The following PDE7B variants were observed in gnomAD, a reference collection of about 807,000 sequenced individuals.
PDE7B encodes 3',5'-cyclic-AMP phosphodiesterase 7B.
PDE7B carries 29 observed loss-of-function variants against 56.2 expected under a neutral mutation model. That is an observed-to-expected ratio of 0.52 (90% confidence interval 0.38 to 0.70). PDE7B has a LOEUF of 0.70. Ranked by LOEUF, PDE7B falls within the 30% of genes least tolerant of loss-of-function variation. The pLI is 0.00. For synonymous variants in PDE7B, 197 were observed against 196.9 expected (o/e 1.00, Z 0.00); for missense variants, 490 against 565.0 (o/e 0.87, Z 1.35).
chr6:136,142,384 G>C (rs1778341949), intron 3 of PDE7B, among the ~76,000 whole-genome samples: 1 of 152,148 alleles, frequency 6.6e-6, no homozygotes, highest in Non-Finnish European at 1.5e-5. Context: ...AGTATGTGGT[G>C]AATTTTGGAA....
At chr6:136,183,498 AG>A (rs200543050) in intron 11 of PDE7B, among the ~76,000 whole-genome samples, 3,753 of 150,494 alleles carry the variant, frequency 0.025, 229 homozygotes, top group Admixed American at 0.13. Context: ...TGGGAGGCTG[AG>A]GCAGGAGAAT....
chr6:136,156,692 T>C (rs535686768), intron 8 of PDE7B, among the ~76,000 whole-genome samples: 7 of 152,184 alleles, frequency 4.6e-5, no homozygotes, highest in Non-Finnish European at 8.8e-5. Flanking sequence ...CATAGTACCA[T>C]ACAGATATCT....
intron 1 of PDE7B, among the ~76,000 whole-genome samples, chr6:135,945,494 G>A (rs1203669473): frequency 6.6e-6 from 1 of 151,614 alleles, no homozygotes; most frequent in Non-Finnish European, 1.5e-5. Flanking sequence ...TCCACATAAT[G>A]TAGGCCATCT....
intron 3 of PDE7B, among the ~76,000 whole-genome samples, chr6:136,142,415 G>A (rs1464942337): frequency 2.0e-5 from 3 of 152,172 alleles, no homozygotes; most frequent in Admixed American, 6.5e-5. Flanking sequence ...GTGGTGCTGA[G>A]AAGAATGTAT....
chr6:136,109,056 T>G (rs1321989085), intron 3 of PDE7B, among the ~76,000 whole-genome samples: 1 of 152,222 alleles, frequency 6.6e-6, no homozygotes, highest in East Asian at 1.9e-4. Flanking sequence ...GCTTTAAAAG[T>G]ATAAATCTCT....
intron 2 of PDE7B, among the ~76,000 whole-genome samples, chr6:135,980,387 A>G (rs902083779): frequency 2.0e-5 from 3 of 152,174 alleles, no homozygotes; most frequent in Admixed American, 6.6e-5. Flanking sequence ...ATGGGCAAGA[A>G]CTTCATGTCT....
chr6:135,927,543 G>T (rs1346586469), intron 1 of PDE7B, among the ~76,000 whole-genome samples: 1 of 152,034 alleles, frequency 6.6e-6, no homozygotes, highest in Non-Finnish European at 1.5e-5. Flanking sequence ...CCATTTGTTT[G>T]TCTCTTCTCT....
intron 1 of PDE7B, among the ~76,000 whole-genome samples, chr6:135,911,180 C>G (rs1776206094): frequency 6.6e-6 from 1 of 152,202 alleles, no homozygotes; most frequent in South Asian, 2.1e-4. Flanking sequence ...TGGGAGAGCT[C>G]TAATTAACTC....
At chr6:135,912,642 C>T (rs1226729482) in intron 1 of PDE7B, among the ~76,000 whole-genome samples, 2 of 152,002 alleles carry the variant, frequency 1.3e-5, no homozygotes. Flanking sequence ...AAGTGAAGGA[C>T]ATTCCAGAAA....
At position 136,132,584 on chromosome 6, in the gene PDE7B, A is replaced by G. The variant is rs559917349; in HGVS notation, c.167-14767A>G. Among the ~76,000 whole-genome samples the G allele has an allele frequency of 9.6e-4, 146 of 152,314 alleles. 1 individual carries two copies. Among genetic ancestry groups the G allele is most frequent in the African/African-American group, 3.4e-3 (142 of 41,586 alleles). On this transcript the variant is annotated intron_variant, in intron 3 of 12. Coordinates refer to ENST00000308191, the MANE Select transcript of PDE7B (RefSeq NM_018945.4). ...ACAATACCTACTTTTATGAAAATCA[A>G]TTGGATCACAAATGTAAATTACCTA...
At chr6:136,096,855 A>G (rs1257458470) in intron 2 of PDE7B, among the ~76,000 whole-genome samples, 2 of 151,990 alleles carry the variant, frequency 1.3e-5, no homozygotes, top group Admixed American at 1.3e-4. Context: ...CCAAAGGACT[A>G]TGCTTCTCTC....
At chr6:135,990,853 G>A (rs568940818) in intron 2 of PDE7B, among the ~76,000 whole-genome samples, 54 of 152,364 alleles carry the variant, frequency 3.5e-4, no homozygotes, top group African/African-American at 1.3e-3. Flanking sequence ...TATTAGGAAA[G>A]TAAAGGACTA....
At chr6:136,057,360 C>T (rs938907642) in intron 2 of PDE7B, among the ~76,000 whole-genome samples, 2 of 152,138 alleles carry the variant, frequency 1.3e-5, no homozygotes, top group African/African-American at 4.8e-5. Context: ...ATTTGCAATT[C>T]CCATGGTAAA....
At chr6:136,016,541 C>T (rs145406074) in intron 2 of PDE7B, among the ~76,000 whole-genome samples, 1 of 152,176 alleles carries the variant, frequency 6.6e-6, no homozygotes, top group African/African-American at 2.4e-5. Flanking sequence ...TATTTTCATT[C>T]TCATTTTCCA....
At chr6:136,018,229 G>T (rs1240060045) in intron 2 of PDE7B, among the ~76,000 whole-genome samples, 2 of 152,158 alleles carry the variant, frequency 1.3e-5, no homozygotes, top group Admixed American at 1.3e-4. Context: ...GTCCCAAGTA[G>T]CAGATCACTA....
At chr6:135,971,331 A>T (rs1288576081) in intron 2 of PDE7B, among the ~76,000 whole-genome samples, 1 of 152,176 alleles carries the variant, frequency 6.6e-6, no homozygotes, top group Non-Finnish European at 1.5e-5. Context: ...TTGATCTTAG[A>T]CTTCTAGCCT....
intron 6 of PDE7B, among the ~76,000 whole-genome samples, chr6:136,151,668 C>A (rs897609618): frequency 6.6e-6 from 1 of 152,076 alleles, no homozygotes; most frequent in African/African-American, 2.4e-5. Context: ...AGAAAATGTT[C>A]TTTTAAAAAT....
At chr6:136,059,424 G>A (rs189434554) in intron 2 of PDE7B, among the ~76,000 whole-genome samples, 83 of 152,264 alleles carry the variant, frequency 5.5e-4, no homozygotes, top group African/African-American at 1.9e-3. Flanking sequence ...TTGCTATGCC[G>A]ATGTAAACTT....
intron 2 of PDE7B, among the ~76,000 whole-genome samples, chr6:136,050,225 T>A (rs1229424136): frequency 2.0e-5 from 3 of 152,232 alleles, no homozygotes; most frequent in Non-Finnish European, 4.4e-5. Flanking sequence ...AAGTGTGTAG[T>A]GTCCATCTTT....
Sources: allele counts gnomAD v4.1 joint callset (sites outside exome capture counted in the v4.1 genomes callset), GRCh38; gene constraint gnomAD v4.1.1; transcripts MANE v1.5; gene names NCBI Gene and HGNC (gene_info 2026-07-23, HGNC 2026-07-21).